The following CNTNAP2 variants were observed in gnomAD, a reference collection of about 807,000 sequenced individuals.
CNTNAP2 encodes the protein contactin associated protein 2.
Under a neutral mutation model 155.2 loss-of-function variants are expected in CNTNAP2, and 98 were observed. The ratio of observed to expected loss-of-function variants is 0.63; its 90% CI spans 0.54 to 0.75. CNTNAP2 has a LOEUF of 0.75. Ranked by LOEUF, CNTNAP2 falls within the 30% of genes least tolerant of loss-of-function variation. CNTNAP2 has a pLI of 0.00. For missense variants in CNTNAP2, 1,727 were observed against 1,688.1 expected (o/e 1.02, Z -0.40); for synonymous variants, 651 against 631.2 (o/e 1.03, Z -0.47).
chr7:148,373,325 G>A lies in CNTNAP2; in HGVS notation c.3476-10324G>A, dbSNP rs1000025148. On this transcript the variant is annotated intron_variant, in intron 21 of 23. Coordinates refer to ENST00000361727, the MANE Select transcript of CNTNAP2 (RefSeq NM_014141.6). ...ACAAAAATTAGCCAGGTGTGGTGGC[G>A]GGTGCCTATAATCCCAGCTACTTGG... Among the ~76,000 whole-genome samples the A allele has an allele frequency of 5.3e-5, 8 of 151,676 alleles. No homozygotes were observed. The South Asian group carries it at 1.0e-3, about 20-fold the overall frequency.
chr7:146,531,069 C>G (rs559968719), intron 1 of CNTNAP2, among the ~76,000 whole-genome samples: 1 of 152,228 alleles, frequency 6.6e-6, no homozygotes, highest in South Asian at 2.1e-4. Flanking sequence ...TGATCATGTC[C>G]TTTGGAGCAA....
At chr7:147,642,716 A>G (rs906008193) in intron 13 of CNTNAP2, among the ~76,000 whole-genome samples, 1 of 152,178 alleles carries the variant, frequency 6.6e-6, no homozygotes, top group Non-Finnish European at 1.5e-5. Flanking sequence ...TGAACAGTAA[A>G]TATATCACTT....
chr7:147,395,502 A>T, intron 9 of CNTNAP2, 107 bp from the exon 10 acceptor site: 5 of 1,086,284 alleles, frequency 4.6e-6, no homozygotes, highest in Non-Finnish European at 7.0e-6. Flanking sequence ...GGATTAAAGA[A>T]ACAGTAGTTG....
chr7:146,310,606 A>G (rs988422801), intron 1 of CNTNAP2, among the ~76,000 whole-genome samples: 4 of 152,020 alleles, frequency 2.6e-5, no homozygotes, highest in Non-Finnish European at 4.4e-5. Context: ...AATATCTGAT[A>G]TAACACTAAG....
chr7:147,322,991 G>A (rs1391230296), intron 9 of CNTNAP2, among the ~76,000 whole-genome samples: 3 of 48,698 alleles, frequency 6.2e-5, no homozygotes, highest in Non-Finnish European at 1.0e-4. Context: ...TCTTGCTAGC[G>A]GTCTATCAAT....
Position 146,151,498 on chromosome 7 carries a change from T to A in CNTNAP2, c.97+34525T>A, listed in dbSNP as rs189899833. Among the ~76,000 whole-genome samples the A allele has an allele frequency of 3.3e-5, 5 of 150,708 alleles. No homozygotes were observed. In the East Asian group the frequency reaches 9.9e-4, roughly 30 times the overall value. On this transcript the variant is annotated intron_variant, in intron 1 of 23. Coordinates refer to ENST00000361727, the MANE Select transcript of CNTNAP2 (RefSeq NM_014141.6). Reference sequence around the variant, plus strand: ...TAAATGAGATCATGTGGTTTTTGTCTTCCTGTGCCTGGATTATTTCCCTTA... The same window carrying A: ...TAAATGAGATCATGTGGTTTTTGTCATCCTGTGCCTGGATTATTTCCCTTA...
chr7:147,757,223 C>T (rs148918477), intron 13 of CNTNAP2, among the ~76,000 whole-genome samples: 167 of 152,316 alleles, frequency 1.1e-3, no homozygotes, highest in African/African-American at 3.8e-3. Context: ...CCCAAATAGT[C>T]ATTTGTTCTT....
intron 1 of CNTNAP2, among the ~76,000 whole-genome samples, chr7:146,224,699 GCGGAGCT>G: frequency 6.6e-6 from 1 of 152,114 alleles, no homozygotes; most frequent in South Asian, 2.1e-4. Flanking sequence ...AACCCGGGAG[GCGGAGCT>G]TGCAGTGAGC....
chr7:147,098,966 C>T (rs1016074959), intron 4 of CNTNAP2, among the ~76,000 whole-genome samples: 2 of 152,076 alleles, frequency 1.3e-5, no homozygotes, highest in African/African-American at 4.8e-5. Flanking sequence ...ATTACTGTGG[C>T]AGGCCATCCC....
chr7:148,180,473 C>T (rs1056225385), intron 18 of CNTNAP2, among the ~76,000 whole-genome samples: 2 of 151,790 alleles, frequency 1.3e-5, no homozygotes, highest in Non-Finnish European at 2.9e-5. Flanking sequence ...GGGAGCAGGT[C>T]TATGCAAGCC....
intron 1 of CNTNAP2, among the ~76,000 whole-genome samples, chr7:146,541,704 C>G (rs1450648839): frequency 2.0e-5 from 3 of 151,956 alleles, no homozygotes; most frequent in Non-Finnish European, 4.4e-5. Flanking sequence ...AGGGAAGATG[C>G]TGCTCTCCCA....
At chr7:147,457,080 C>CT (rs1034387642) in intron 10 of CNTNAP2, among the ~76,000 whole-genome samples, 2 of 152,062 alleles carry the variant, frequency 1.3e-5, no homozygotes, top group African/African-American at 4.8e-5. Flanking sequence ...AGTACTTTTC[C>CT]TTTTTTTCTG....
At chr7:148,166,905 T>C (rs1001847504) in intron 17 of CNTNAP2, among the ~76,000 whole-genome samples, 1 of 152,020 alleles carries the variant, frequency 6.6e-6, no homozygotes, top group African/African-American at 2.4e-5. Flanking sequence ...TCACTGATTC[T>C]AGTGCATTAA....
intron 1 of CNTNAP2, among the ~76,000 whole-genome samples, chr7:146,606,096 T>G (rs1030949256): frequency 6.6e-6 from 1 of 152,198 alleles, no homozygotes; most frequent in African/African-American, 2.4e-5. Flanking sequence ...GTCATAAATT[T>G]GCTAAAGTCC....
intron 8 of CNTNAP2, among the ~76,000 whole-genome samples, chr7:147,296,596 G>T (rs1805451096): frequency 6.6e-6 from 1 of 152,198 alleles, no homozygotes; most frequent in Non-Finnish European, 1.5e-5. Context: ...ATTCTTGTCA[G>T]AAACAGAACT....
chr7:147,581,053 G>A (rs1022285423), intron 12 of CNTNAP2, among the ~76,000 whole-genome samples: 2 of 152,168 alleles, frequency 1.3e-5, no homozygotes, highest in Non-Finnish European at 2.9e-5. Context: ...AATTCCACAG[G>A]AAGTAGGTGG....
intron 3 of CNTNAP2, among the ~76,000 whole-genome samples, chr7:146,929,520 A>G (rs554638006): frequency 7.2e-5 from 11 of 152,206 alleles, no homozygotes; most frequent in Admixed American, 1.3e-4. Context: ...GAAACTCTGA[A>G]AAGCAGAGCG....
chr7:146,552,642 T>C (rs776506836), intron 1 of CNTNAP2, among the ~76,000 whole-genome samples: 4 of 152,140 alleles, frequency 2.6e-5, no homozygotes, highest in Admixed American at 6.6e-5. Context: ...ACGACTTTCC[T>C]TCTCTCTTAG....
At chr7:147,850,274 A>T (rs1263704186) in intron 13 of CNTNAP2, among the ~76,000 whole-genome samples, 1 of 152,216 alleles carries the variant, frequency 6.6e-6, no homozygotes, top group Non-Finnish European at 1.5e-5. Flanking sequence ...AGAGGACACA[A>T]ACAAATGGAA....
Sources: allele counts gnomAD v4.1 joint callset (sites outside exome capture counted in the v4.1 genomes callset), GRCh38; gene constraint gnomAD v4.1.1; transcripts MANE v1.5; gene names NCBI Gene and HGNC (gene_info 2026-07-23, HGNC 2026-07-21).